The following SMOX variants were observed in gnomAD, a reference collection of about 807,000 sequenced individuals.
SMOX encodes flavin containing amine oxidase.
SMOX carries 22 observed loss-of-function variants against 51.0 expected under a neutral mutation model. That is an observed-to-expected ratio of 0.43 (90% CI 0.31 to 0.62). The LOEUF (loss-of-function observed/expected upper bound fraction) is 0.62. Among genes scored for constraint, SMOX ranks in the 20% least tolerant of loss-of-function variants. The pLI is 0.10. For synonymous variants in SMOX, 282 were observed against 307.8 expected, an observed-to-expected ratio of 0.92 and a Z score of 0.88; for missense variants, 566 against 777.7, an observed-to-expected ratio of 0.73 and a Z score of 3.24.
chr20:4,171,081 T>C (rs1393606782), intron 1 of SMOX, among the ~76,000 whole-genome samples: 1 of 152,228 alleles, frequency 6.6e-6, no homozygotes, highest in African/African-American at 2.4e-5. Context: ...CTTCCCTGCC[T>C]GGCTGAGCCA....
At chr20:4,154,391 T>TTTTTTTC (rs890322109) in intron 1 of SMOX, among the ~76,000 whole-genome samples, 7 of 152,000 alleles carry the variant, frequency 4.6e-5, no homozygotes, top group African/African-American at 1.7e-4. Flanking sequence ...TCTTTCTTTT[T>TTTTTTTC]TTGAGACGGA....
intron 6 of SMOX, among the ~76,000 whole-genome samples, chr20:4,184,206 G>A (rs1233213802): frequency 6.6e-6 from 1 of 150,486 alleles, no homozygotes; most frequent in Non-Finnish European, 1.5e-5. Context: ...CATACTGCTA[G>A]GCTGGTCTTG....
At chr20:4,151,951 G>A (rs898369608) in intron 1 of SMOX, among the ~76,000 whole-genome samples, 1 of 152,180 alleles carries the variant, frequency 6.6e-6, no homozygotes, top group Admixed American at 6.5e-5. Flanking sequence ...GCAGAGAGGT[G>A]GGTATTGCAG....
At chr20:4,174,847 C>G (rs1334459924) in intron 1 of SMOX, among the ~76,000 whole-genome samples, 183 bp from the exon 2 acceptor site, 1 of 147,596 alleles carries the variant, frequency 6.8e-6, no homozygotes, top group Non-Finnish European at 1.5e-5. Context: ...TTTATTCTTC[C>G]ATCCCTCCCT....
Position 4,182,472 on chromosome 20 carries a change from C to A in SMOX, c.993C>A (p.Thr331=). 1.9e-6 allele frequency: 3 copies of A among 1,598,846 alleles called. No homozygotes were observed. Among genetic ancestry groups the A allele is most frequent in the Admixed American group, 1.7e-5 (1 of 59,272 alleles). The change falls in exon 5 of 7, where the codon ACC becomes ACA. Residue 331 remains threonine (T), a synonymous_variant. Transcript: ENST00000305958. This position sits in a 1 kb window ranked among gnomAD's most constrained non-coding sequence, Gnocchi z 8.4. The part of the protein sequence containing the change: ...ELIPADHVIV[T]VSLGVLKRQY... ...TCCCGGCGGACCATGTGATTGTGAC[C>A]GTGTCGCTAGGTGTGCTAAAGAGGC...
intron 1 of SMOX, among the ~76,000 whole-genome samples, chr20:4,160,299 C>T (rs1986243965): frequency 6.6e-6 from 1 of 152,232 alleles, no homozygotes; most frequent in South Asian, 2.1e-4. Context: ...GCCCCAAGTG[C>T]CTGGCACAGT....
At chr20:4,151,703 C>T (rs1431210747) in intron 1 of SMOX, among the ~76,000 whole-genome samples, 1 of 152,196 alleles carries the variant, frequency 6.6e-6, no homozygotes, top group African/African-American at 2.4e-5. Flanking sequence ...AATGCCTTCC[C>T]AGTCTTGGGA....
At chr20:4,174,890 C>T (rs1978707022) in intron 1 of SMOX, 140 bp from the exon 2 acceptor site, 1 of 754,578 alleles carries the variant, frequency 1.3e-6, no homozygotes. Flanking sequence ...TTGTCCAGGT[C>T]CTCAGAGAGG....
intron 1 of SMOX, among the ~76,000 whole-genome samples, chr20:4,157,958 C>T (rs188772005): frequency 0.011 from 1,743 of 151,986 alleles, 31 homozygotes; most frequent in African/African-American, 0.037. Flanking sequence ...TGGAGTGCAG[C>T]GGCGCGATCT....
chr20:4,173,468 G>A (rs2122522896), intron 1 of SMOX, among the ~76,000 whole-genome samples: 1 of 152,318 alleles, frequency 6.6e-6, no homozygotes, highest in East Asian at 1.9e-4. Flanking sequence ...ATATGTCTCT[G>A]TTCTCCTGCT....
rs1157944535 is a variant in SMOX at position 4,181,878 on chromosome 20, T to G, written c.511T>G (p.Phe171Val). ...TGAAAGTCAAAATAGCGTGGGGGTGTTCACCCGAGAGGAGGTGCGTAACCG... is the reference window on the plus strand; with the variant it reads ...TGAAAGTCAAAATAGCGTGGGGGTGGTCACCCGAGAGGAGGTGCGTAACCG... ...NAESQNSVGVFTREEVRNRIR... is the reference protein window; with the variant it reads ...NAESQNSVGVVTREEVRNRIR... Residue 171 changes from phenylalanine to valine, a missense_variant, in exon 4 of 7, where the codon TTC (phenylalanine) becomes GTC (valine). Coordinates refer to ENST00000305958, the MANE Select transcript of SMOX (RefSeq NM_175839.3). The surrounding 1 kb of genome is among the most constrained non-coding windows in gnomAD (Gnocchi z 5.6). 6.2e-7 allele frequency: 1 copy of G among 1,614,044 alleles called. No homozygotes were observed. Among genetic ancestry groups the G allele is most frequent in the East Asian group, 2.2e-5 (1 of 44,840 alleles).
intron 1 of SMOX, among the ~76,000 whole-genome samples, chr20:4,156,555 G>A (rs1032205955): frequency 1.3e-5 from 2 of 152,164 alleles, no homozygotes; most frequent in African/African-American, 4.8e-5. Flanking sequence ...AGGGCCCTCA[G>A]ATGTGCCCAT....
Position 4,149,591 on chromosome 20 carries a change from C to A in SMOX, c.-27+614C>A, listed in dbSNP as rs1985627131. On this transcript the variant is annotated intron_variant, in intron 1 of 6. Transcript: ENST00000305958. This position sits in a 1 kb window ranked among gnomAD's most constrained non-coding sequence, Gnocchi z 6.0. ...GGCTCACGGGTTGTCCCGGGCTTGG[C>A]GGGAGCCGGGCTCGCAAAGGGTTCG... Among the ~76,000 whole-genome samples the A allele has an allele frequency of 6.6e-6, 1 of 152,124 alleles. No individual in the cohort carries two copies. The highest frequency in any genetic ancestry group is 1.5e-5 in the Non-Finnish European group (1 of 68,004).
rs1053372677 is a variant in SMOX, at chr20:4,183,307, C to T, written c.1370-187C>T. The T allele has an allele frequency of 2.4e-5, 18 of 745,474 alleles. No homozygotes were observed. Among genetic ancestry groups the T allele is most frequent in the African/African-American group, 8.8e-5 (5 of 57,104 alleles). 46.2% of individuals were successfully genotyped at this position (745,474 alleles called of 1,614,324 possible). ...GCGTTTTGCCGGGGGTCACAGGAGG[C>T]GCTGAGTGGGTACACAGCTCGAGCC... On this transcript the variant is annotated intron_variant, in intron 5 of 6. Coordinates refer to ENST00000305958, the MANE Select transcript of SMOX (RefSeq NM_175839.3). This position sits in a 1 kb window ranked among gnomAD's most constrained non-coding sequence, Gnocchi z 4.3.
At chr20:4,165,219 C>CT (rs1986518701) in intron 1 of SMOX, among the ~76,000 whole-genome samples, 1 of 152,100 alleles carries the variant, frequency 6.6e-6, no homozygotes, top group Non-Finnish European at 1.5e-5. Flanking sequence ...CCACACCTGG[C>CT]TAATTTTTGT....
intron 1 of SMOX, among the ~76,000 whole-genome samples, chr20:4,168,227 G>T (rs1986656220): frequency 1.3e-5 from 2 of 152,094 alleles, no homozygotes; most frequent in South Asian, 4.1e-4. Context: ...AAGGCTGGTC[G>T]GGGGCAAGTG....
chr20:4,169,252 C>T (rs538665467), intron 1 of SMOX, among the ~76,000 whole-genome samples: 16 of 152,256 alleles, frequency 1.1e-4, no homozygotes, highest in African/African-American at 3.9e-4. Flanking sequence ...ATCCTCCCAC[C>T]TTGCCTCCCA....
Position 4,173,902 on chromosome 20 carries a change from G to C in SMOX, c.-26-1128G>C, listed in dbSNP as rs373608645. Among the ~76,000 whole-genome samples the C allele has an allele frequency of 8.1e-4, 123 of 152,338 alleles. 2 individuals are homozygous for C. Among genetic ancestry groups the C allele is most frequent in the African/African-American group, 2.8e-3 (117 of 41,596 alleles). On this transcript the variant is annotated intron_variant, in intron 1 of 6. Transcript: ENST00000305958. The stretch of plus-strand genomic sequence containing the variant: ...GAAAAGCAGCCTCTCCTAGCCCTGG[G>C]GCCAGATTTGGGGACCCCCTTGGCC...
In SMOX at chr20:4,170,757, G is replaced by A. The variant is rs921104912; in HGVS notation, c.-26-4273G>A. ...TCTTTTCCTCTCTCCATACCCTGCT[G>A]CCTTCCTGTGTCCAATGTGGCCTCT... is the stretch of plus-strand genomic sequence containing the variant. On this transcript the variant is annotated intron_variant, in intron 1 of 6. Coordinates refer to ENST00000305958, the MANE Select transcript of SMOX (RefSeq NM_175839.3). The surrounding 1 kb of genome is among the most constrained non-coding windows in gnomAD (Gnocchi z 4.6). Among the ~76,000 whole-genome samples, 1 of 152,140 alleles carries A rather than the reference G, an allele frequency of 6.6e-6. No individual in the cohort carries two copies.
Sources: allele counts gnomAD v4.1 joint callset (sites outside exome capture counted in the v4.1 genomes callset), GRCh38; gene constraint gnomAD v4.1.1; non-coding constraint Gnocchi (gnomAD v3.1); transcripts MANE v1.5; gene names NCBI Gene and HGNC (gene_info 2026-07-23, HGNC 2026-07-21).